The following PSMD11 variants were observed in gnomAD, a reference collection of about 807,000 sequenced individuals.
PSMD11 encodes the protein 26S proteasome non-ATPase regulatory subunit 11.
In PSMD11, 5 loss-of-function variants were observed where a neutral mutation model predicts 62.3. That is an observed-to-expected ratio of 0.08 (90% CI 0.04 to 0.17). The LOEUF is 0.17. Ranked by LOEUF, PSMD11 falls within the 10% of genes least tolerant of loss-of-function variation. The pLI is 1.00. For synonymous variants in PSMD11, 191 were observed against 191.8 expected (o/e 1.00, Z 0.03); for missense variants, 310 against 512.9 (o/e 0.60, Z 3.82).
chr17:32,446,923 G>T, intron 1 of PSMD11, 22 bp from the exon 2 acceptor site: 1 of 1,564,732 alleles, frequency 6.4e-7, no homozygotes, highest in East Asian at 2.3e-5. Flanking sequence ...ATTTTAAGAG[G>T]GTTTGCATTT....
intron 2 of PSMD11, among the ~76,000 whole-genome samples, chr17:32,450,257 G>A (rs1427646008): frequency 6.6e-6 from 1 of 151,158 alleles, no homozygotes; most frequent in Admixed American, 6.6e-5. Flanking sequence ...CACTGTGCCT[G>A]GCCTTTTTTT....
At position 32,450,905 on chromosome 17, in the gene PSMD11, A is replaced by AT. The variant is rs199567245; in HGVS notation, c.194-3590_194-3589insT. Among the ~76,000 whole-genome samples the AT allele has an allele frequency of 7.2e-3, 1,079 of 150,548 alleles. 4 individuals carry two copies. Among genetic ancestry groups the AT allele is most frequent in the Middle Eastern group, 0.01 (3 of 292 alleles). The stretch of plus-strand genomic sequence containing the variant: ...CAAAGACCCTATCTCTGTTAAAAAA[A>AT]ATTTTTTTTTTTTAAAGCAGCATGG... On this transcript the variant is annotated intron_variant, in intron 2 of 13. Coordinates refer to ENST00000261712, the MANE Select transcript of PSMD11 (RefSeq NM_002815.4).
chr17:32,464,638 G>T, intron 5 of PSMD11, 60 bp downstream of exon 5: 1 of 1,327,040 alleles, frequency 7.5e-7, no homozygotes, highest in South Asian at 1.4e-5. Context: ...TAAACCACCT[G>T]GCTACTCTTA....
chr17:32,444,701 C>A, intron 1 of PSMD11, 87 bp downstream of exon 1: 1 of 1,523,344 alleles, frequency 6.6e-7, no homozygotes, highest in Admixed American at 1.9e-5. Context: ...CCCGGCTAGC[C>A]GGCTCTGATG....
chr17:32,465,042 CT>C (rs1403066401), intron 5 of PSMD11, among the ~76,000 whole-genome samples: 5 of 150,542 alleles, frequency 3.3e-5, no homozygotes. Context: ...TAACTGAAGC[CT>C]TTTTCCTGTG....
Position 32,447,046 on chromosome 17 carries a change from G to A in PSMD11, c.193G>A (p.Glu65Lys). The A allele has an allele frequency of 6.3e-7, 1 of 1,597,974 alleles. No homozygotes were observed. The highest frequency in any genetic ancestry group is 8.6e-7 in the Non-Finnish European group (1 of 1,167,440). ...CCTGGCAAAGACTGGACAAGCTGCA[G>A]GTAAGTGCTACACATGGATTGTATC... ...SLLAKTGQAA[E>K]LGGLLKYVRP... The change falls in exon 2 of 14, where the codon GAG (glutamate) becomes AAG (lysine). Residue 65 changes from glutamate to lysine, a missense_variant and splice_region_variant. Glu to Lys is a moderately conservative substitution (Grantham distance 56). Around this residue, in one of 6 missense-constraint regions of PSMD11, gnomAD observed 50 missense variants for 94.4 expected, o/e 0.53. Transcript: ENST00000261712.
chr17:32,464,243 T>A (rs1235975645), intron 4 of PSMD11, 123 bp downstream of exon 4: 2 of 950,550 alleles, frequency 2.1e-6, no homozygotes, highest in East Asian at 5.0e-5. Context: ...ACCGAAAGAT[T>A]ATTGATGGTA....
chr17:32,449,983 A>G (rs1907441172), intron 2 of PSMD11, among the ~76,000 whole-genome samples: 1 of 152,210 alleles, frequency 6.6e-6, no homozygotes, highest in Admixed American at 6.5e-5. Flanking sequence ...TAGTGTTAGT[A>G]GTGTTGAGCA....
At chr17:32,465,051 G>T (rs1451858503) in intron 5 of PSMD11, among the ~76,000 whole-genome samples, 1 of 150,500 alleles carries the variant, frequency 6.6e-6, no homozygotes, top group Non-Finnish European at 1.5e-5. Flanking sequence ...CCTTTTTCCT[G>T]TGTGGCCTTT....
intron 8 of PSMD11, among the ~76,000 whole-genome samples, chr17:32,475,706 C>G (rs1265261857): frequency 6.6e-6 from 1 of 150,772 alleles, no homozygotes; most frequent in Non-Finnish European, 1.5e-5. Flanking sequence ...TGAAGTGATT[C>G]TCCTGTCTCA....
At chr17:32,468,922 T>G in intron 5 of PSMD11, 77 bp from the exon 6 acceptor site, 1 of 1,330,688 alleles carries the variant, frequency 7.5e-7, no homozygotes, top group Non-Finnish European at 1.0e-6. Flanking sequence ...ATCCTGAGTG[T>G]TATGAGGGTG....
intron 6 of PSMD11, among the ~76,000 whole-genome samples, chr17:32,469,846 C>A (rs895087138): frequency 1.3e-5 from 2 of 152,024 alleles, no homozygotes; most frequent in African/African-American, 4.8e-5. Context: ...GATCTAGGAT[C>A]AGGCTTTCCT....
chr17:32,447,936 A>T (rs1455836938), intron 2 of PSMD11, among the ~76,000 whole-genome samples: 1 of 145,968 alleles, frequency 6.9e-6, no homozygotes, highest in Admixed American at 7.0e-5. Flanking sequence ...GTTGGAGTGC[A>T]GTGGTGCGAT....
At chr17:32,460,474 C>G (rs1907792877) in intron 3 of PSMD11, among the ~76,000 whole-genome samples, 1 of 152,098 alleles carries the variant, frequency 6.6e-6, no homozygotes, top group Admixed American at 6.5e-5. Flanking sequence ...TGAGGACTAA[C>G]TATAAGACAG....
intron 3 of PSMD11, among the ~76,000 whole-genome samples, chr17:32,456,466 G>C (rs1484906932): frequency 6.6e-6 from 1 of 152,064 alleles, no homozygotes; most frequent in Admixed American, 6.5e-5. Flanking sequence ...CCCGCCTCCC[G>C]GGTTCAAGGG....
At chr17:32,479,528 C>CA in intron 10 of PSMD11, 152 bp downstream of exon 10, 1 of 1,158,390 alleles carries the variant, frequency 8.6e-7, no homozygotes, top group East Asian at 2.4e-5. Flanking sequence ...ATAAAATGAA[C>CA]AAAAATCGAG....
At chr17:32,461,041 A>G (rs1346860516) in intron 3 of PSMD11, among the ~76,000 whole-genome samples, 2 of 152,052 alleles carry the variant, frequency 1.3e-5, no homozygotes, top group African/African-American at 2.4e-5. Context: ...CCTATGGGCA[A>G]CTTTTCTGGT....
intron 3 of PSMD11, among the ~76,000 whole-genome samples, chr17:32,457,801 C>CTT (rs11402492): frequency 1.0e-4 from 15 of 143,976 alleles, no homozygotes; most frequent in African/African-American, 3.1e-4. Context: ...CTCTCTCTCT[C>CTT]TTTTTTTTTT....
At chr17:32,475,665 C>G (rs928188307) in intron 8 of PSMD11, among the ~76,000 whole-genome samples, 6 of 148,000 alleles carry the variant, frequency 4.1e-5, no homozygotes, top group Non-Finnish European at 7.4e-5. Context: ...AGTGGCGTAT[C>G]TCGGCTCACT....
Sources: gnomAD v4.1 joint callset for allele counts (sites outside exome capture counted in the v4.1 genomes callset) on GRCh38, gnomAD v4.1.1 for gene constraint, gnomAD v4.1.1 regional missense constraint, MANE v1.5 for transcripts, NCBI Gene and HGNC (gene_info 2026-07-23, HGNC 2026-07-21) for gene names.